The following NRXN3 variants were observed in gnomAD, a reference collection of about 807,000 sequenced individuals.
The protein encoded by NRXN3 is neurexin III.
In NRXN3, 32 loss-of-function variants were observed where a neutral mutation model predicts 137.6. That is an observed-to-expected ratio of 0.23 (90% CI 0.18 to 0.31). The LOEUF is 0.31. NRXN3 is among the 10% of genes least tolerant of loss of function. NRXN3 has a pLI of 1.00. For missense variants in NRXN3, 1,574 were observed against 2,062.5 expected (o/e 0.76, Z 4.59); for synonymous variants, 798 against 784.5 (o/e 1.02, Z -0.29).
At chr14:79,209,629 C>G (rs1377153316) in intron 15 of NRXN3, among the ~76,000 whole-genome samples, 1 of 152,148 alleles carries the variant, frequency 6.6e-6, no homozygotes, top group Non-Finnish European at 1.5e-5. Flanking sequence ...ATAGCACTTA[C>G]TAATTATCTT....
At chr14:79,754,571 TACACACAC>T (rs1228854947) in intron 19 of NRXN3, among the ~76,000 whole-genome samples, 1 of 105,234 alleles carries the variant, frequency 9.5e-6, no homozygotes, top group South Asian at 3.1e-4. Context: ...TATGCACACA[TACACACAC>T]ACACACACAC....
At chr14:79,344,349 C>A (rs2092763944) in intron 15 of NRXN3, among the ~76,000 whole-genome samples, 1 of 152,074 alleles carries the variant, frequency 6.6e-6, no homozygotes, top group Non-Finnish European at 1.5e-5. Flanking sequence ...TTAGCCTCTG[C>A]CTCTCTGTTT....
At chr14:78,634,221 G>A (rs1487619328) in intron 4 of NRXN3, among the ~76,000 whole-genome samples, 1 of 152,168 alleles carries the variant, frequency 6.6e-6, no homozygotes, top group East Asian at 1.9e-4. Flanking sequence ...CCCTTAGGAA[G>A]GTAGGCTGAA....
intron 4 of NRXN3, among the ~76,000 whole-genome samples, chr14:78,535,647 G>A (rs910635492): frequency 6.6e-6 from 1 of 152,144 alleles, no homozygotes; most frequent in Non-Finnish European, 1.5e-5. Flanking sequence ...AAAGTCCGAA[G>A]GATGATATGA....
chr14:78,963,445 T>TC (rs955494665), intron 11 of NRXN3, among the ~76,000 whole-genome samples: 2 of 152,118 alleles, frequency 1.3e-5, no homozygotes, highest in African/African-American at 4.8e-5. Context: ...TGACTATGAC[T>TC]CCCCCTCCCC....
chr14:78,249,754 C>A (rs2068290123), intron 2 of NRXN3, among the ~76,000 whole-genome samples: 1 of 152,116 alleles, frequency 6.6e-6, no homozygotes, highest in Admixed American at 6.5e-5. Context: ...ATCTATTTCT[C>A]ACAAAACTCC....
chr14:79,164,372 TAC>T (rs1392211142), intron 15 of NRXN3, among the ~76,000 whole-genome samples: 1 of 151,880 alleles, frequency 6.6e-6, no homozygotes, highest in African/African-American at 2.4e-5. Flanking sequence ...CATTTATGCT[TAC>T]ATATATCCTT....
rs1378453955 is a variant in NRXN3 at position 79,864,753 on chromosome 14, TTG to T, written c.*2791_*2792del. 6.6e-6 allele frequency: 1 copy of T among 152,120 alleles called. No individual in the cohort carries two copies. Among genetic ancestry groups the T allele is most frequent in the African/African-American group, 2.4e-5 (1 of 41,358 alleles). 9.4% of individuals were successfully genotyped at this position (152,120 alleles called of 1,614,324 possible). A position where few individuals can be genotyped will look rare whatever the true frequency, so the allele number is the denominator to read the frequency against. On this transcript the variant is annotated 3_prime_UTR_variant, in exon 21 of 21. Coordinates refer to ENST00000335750, the MANE Select transcript of NRXN3 (RefSeq NM_001330195.2). ...GTTTTTGTTTTTTGTTTTTCGTTTT[TTG>T]TTTGTTTTTTTTTTGAGACAGAGTC...
chr14:78,653,986 C>T (rs1202922000), intron 6 of NRXN3, among the ~76,000 whole-genome samples: 9 of 152,220 alleles, frequency 5.9e-5, no homozygotes, highest in Non-Finnish European at 1.3e-4. Flanking sequence ...ACTTGATAAA[C>T]TCCTGCCCCG....
chr14:79,776,804 G>A (rs1476975833), intron 19 of NRXN3, among the ~76,000 whole-genome samples: 2 of 152,154 alleles, frequency 1.3e-5, no homozygotes, highest in East Asian at 3.9e-4. Flanking sequence ...GGGGAGCCCA[G>A]GAGTGGCATC....
At chr14:78,671,320 A>G (rs1383594106) in intron 6 of NRXN3, among the ~76,000 whole-genome samples, 1 of 152,234 alleles carries the variant, frequency 6.6e-6, no homozygotes, top group African/African-American at 2.4e-5. Flanking sequence ...TTTCAAATTC[A>G]GAGAGAAAAA....
At chr14:79,039,273 T>G (rs765244704) in intron 15 of NRXN3, among the ~76,000 whole-genome samples, 7 of 152,128 alleles carry the variant, frequency 4.6e-5, no homozygotes, top group Non-Finnish European at 8.8e-5. Flanking sequence ...CTGAGAAAAA[T>G]CCATTTGCTC....
chr14:78,733,128 A>G (rs1428519535), intron 8 of NRXN3, among the ~76,000 whole-genome samples: 2 of 151,988 alleles, frequency 1.3e-5, no homozygotes, highest in Non-Finnish European at 2.9e-5. Flanking sequence ...CTCAGATTTT[A>G]GTTTGTATTT....
chr14:79,547,695 T>G (rs918572750), intron 16 of NRXN3, among the ~76,000 whole-genome samples: 1 of 151,972 alleles, frequency 6.6e-6, no homozygotes, highest in East Asian at 1.9e-4. Context: ...AGTAAGGAGG[T>G]TGGGGAGCTG....
At chr14:79,855,310 C>T (rs1285277261) in intron 20 of NRXN3, among the ~76,000 whole-genome samples, 2 of 152,096 alleles carry the variant, frequency 1.3e-5, no homozygotes, top group Non-Finnish European at 2.9e-5. Context: ...ACTTGTTTTG[C>T]TTTACAGATA....
At chr14:79,224,465 C>T (rs2070434213) in intron 15 of NRXN3, among the ~76,000 whole-genome samples, 1 of 152,126 alleles carries the variant, frequency 6.6e-6, no homozygotes, top group African/African-American at 2.4e-5. Flanking sequence ...TGATATTCTA[C>T]ATATTCTTAT....
intron 4 of NRXN3, among the ~76,000 whole-genome samples, chr14:78,482,706 C>T (rs190399686): frequency 6.3e-4 from 96 of 152,330 alleles, no homozygotes; most frequent in African/African-American, 5.3e-4. Flanking sequence ...GACAATACGA[C>T]TACAAGCATA....
intron 19 of NRXN3, among the ~76,000 whole-genome samples, chr14:79,707,131 A>T (rs752975679): frequency 6.6e-6 from 1 of 152,164 alleles, no homozygotes; most frequent in Non-Finnish European, 1.5e-5. Context: ...ATTTGAAAAA[A>T]CATTGATGAT....
At chr14:79,224,599 G>A (rs1286419352) in intron 15 of NRXN3, among the ~76,000 whole-genome samples, 1 of 152,094 alleles carries the variant, frequency 6.6e-6, no homozygotes, top group Non-Finnish European at 1.5e-5. Context: ...TTGTTGAGCA[G>A]TGTTCCTCCA....
Sources: allele counts gnomAD v4.1 joint callset (sites outside exome capture counted in the v4.1 genomes callset), GRCh38; gene constraint gnomAD v4.1.1; transcripts MANE v1.5; gene names NCBI Gene and HGNC (gene_info 2026-07-23, HGNC 2026-07-21).